The following PDE4D variants were observed in gnomAD, a reference collection of about 807,000 sequenced individuals.
PDE4D encodes 3',5'-cyclic-AMP phosphodiesterase 4D.
Under a neutral mutation model 87.4 loss-of-function variants are expected in PDE4D, and 24 were observed. The observed-to-expected ratio is 0.27, with a 90% confidence interval of 0.20 to 0.39. The LOEUF is 0.39. Among genes scored for constraint, PDE4D ranks in the 10% least tolerant of loss-of-function variants. PDE4D has a pLI of 1.00. For missense variants in PDE4D, 714 were observed against 1,041.0 expected (o/e 0.69, Z 4.32); for synonymous variants, 384 against 383.2 (o/e 1.00, Z -0.02).
intron 1 of PDE4D, among the ~76,000 whole-genome samples, chr5:59,242,655 G>A (rs923508967): frequency 6.6e-6 from 1 of 152,108 alleles, no homozygotes; most frequent in Non-Finnish European, 1.5e-5. Flanking sequence ...CAACAGTAAC[G>A]ATAATGAGTT....
intron 1 of PDE4D, among the ~76,000 whole-genome samples, chr5:60,293,777 T>A (rs1406229075): frequency 1.3e-5 from 2 of 152,232 alleles, no homozygotes; most frequent in Admixed American, 6.5e-5. Flanking sequence ...AGTAGTTCAT[T>A]CATTTTTGTT....
intron 1 of PDE4D, among the ~76,000 whole-genome samples, chr5:59,879,806 T>A (rs1256702100): frequency 1.3e-5 from 2 of 152,132 alleles, no homozygotes; most frequent in African/African-American, 2.4e-5. Context: ...AGTGGCGCAA[T>A]CTCTGCCCAC....
intron 1 of PDE4D, chr5:59,558,509 T>G (rs1475754861): frequency 6.6e-6 from 1 of 152,288 alleles, no homozygotes; most frequent in African/African-American, 2.4e-5. Flanking sequence ...TCTGAAGCAG[T>G]AGCATGCAGA....
intron 3 of PDE4D, among the ~76,000 whole-genome samples, chr5:59,938,813 C>G (rs1756883300): frequency 6.6e-6 from 1 of 152,218 alleles, no homozygotes; most frequent in South Asian, 2.1e-4. Context: ...GTCAGCCCTT[C>G]AGATTCAATT....
At chr5:60,486,690 T>C (rs984347684) in intron 1 of PDE4D, among the ~76,000 whole-genome samples, 2 of 152,238 alleles carry the variant, frequency 1.3e-5, no homozygotes, top group African/African-American at 4.8e-5. Flanking sequence ...GTTATTTTTA[T>C]AGGAATTGGC....
chr5:59,081,968 T>C (rs1283259169), intron 5 of PDE4D, among the ~76,000 whole-genome samples: 1 of 152,180 alleles, frequency 6.6e-6, no homozygotes, highest in Admixed American at 6.6e-5. Context: ...CTGATGGTTA[T>C]ATAAGCTTCT....
chr5:59,384,908 A>T (rs1562077773), intron 1 of PDE4D, among the ~76,000 whole-genome samples: 1 of 151,858 alleles, frequency 6.6e-6, no homozygotes, highest in Admixed American at 6.6e-5. Context: ...ATTAACAATC[A>T]CTGTTTACAT....
intron 1 of PDE4D, among the ~76,000 whole-genome samples, chr5:59,516,179 G>A (rs1400623716): frequency 6.6e-6 from 1 of 152,050 alleles, no homozygotes; most frequent in Non-Finnish European, 1.5e-5. Context: ...AGGGAGTAAA[G>A]GGGAGCATCT....
intron 1 of PDE4D, among the ~76,000 whole-genome samples, chr5:59,885,570 T>G (rs72751298): frequency 0.22 from 33,554 of 152,094 alleles, 4,670 homozygotes; most frequent in Admixed American, 0.34. Flanking sequence ...CATTGAGAAT[T>G]GGATAAACAT....
intron 1 of PDE4D, among the ~76,000 whole-genome samples, chr5:59,598,097 G>A (rs1283102614): frequency 6.6e-6 from 1 of 152,118 alleles, no homozygotes; most frequent in Non-Finnish European, 1.5e-5. Flanking sequence ...GCCTAGCTCT[G>A]TATCTTATAC....
chr5:59,332,117 CA>C (rs781339489), intron 1 of PDE4D, among the ~76,000 whole-genome samples: 1 of 152,174 alleles, frequency 6.6e-6, no homozygotes, highest in Non-Finnish European at 1.5e-5. Context: ...AGTATGACAT[CA>C]ATCATTTCAG....
intron 1 of PDE4D, among the ~76,000 whole-genome samples, chr5:59,683,479 T>C (rs1399749571): frequency 1.3e-5 from 2 of 152,216 alleles, no homozygotes; most frequent in Non-Finnish European, 2.9e-5. Flanking sequence ...CTTCAACTAG[T>C]TATAACTATT....
chr5:59,272,886 C>T (rs1159574417), intron 1 of PDE4D, among the ~76,000 whole-genome samples: 1 of 151,886 alleles, frequency 6.6e-6, no homozygotes, highest in Admixed American at 6.6e-5. Context: ...TGGAGAGAAA[C>T]AAATAGAAAA....
At chr5:59,392,100 T>A (rs1788350551) in intron 1 of PDE4D, among the ~76,000 whole-genome samples, 1 of 151,936 alleles carries the variant, frequency 6.6e-6, no homozygotes, top group South Asian at 2.1e-4. Flanking sequence ...CAGAACATAG[T>A]ATGCCTTCTG....
chr5:59,484,871 G>T (rs930731752), intron 1 of PDE4D, among the ~76,000 whole-genome samples: 1 of 147,302 alleles, frequency 6.8e-6, no homozygotes, highest in Non-Finnish European at 1.5e-5. Flanking sequence ...GAATTTCTCT[G>T]AGAGTTCTAA....
At chr5:59,277,856 C>T (rs921485191) in intron 1 of PDE4D, among the ~76,000 whole-genome samples, 5 of 152,136 alleles carry the variant, frequency 3.3e-5, no homozygotes, top group African/African-American at 1.2e-4. Flanking sequence ...TCTACATCTT[C>T]CAAGAATCTT....
At chr5:59,901,724 G>A (rs1401771819) in intron 3 of PDE4D, among the ~76,000 whole-genome samples, 1 of 152,006 alleles carries the variant, frequency 6.6e-6, no homozygotes, top group Non-Finnish European at 1.5e-5. Context: ...ACAGTGAGAG[G>A]ACATTTTATG....
chr5:59,559,206 T>C (rs539395978), intron 1 of PDE4D, among the ~76,000 whole-genome samples: 1 of 152,320 alleles, frequency 6.6e-6, no homozygotes, highest in Admixed American at 6.5e-5. Context: ...TATGAGATTA[T>C]TAAATTATTA....
intron 1 of PDE4D, among the ~76,000 whole-genome samples, chr5:60,467,894 G>A (rs940654537): frequency 1.3e-5 from 2 of 152,032 alleles, no homozygotes; most frequent in African/African-American, 4.8e-5. Flanking sequence ...AGAACAACAA[G>A]GGGGAAATCC....
Sources: gnomAD v4.1 joint callset for allele counts (sites outside exome capture counted in the v4.1 genomes callset) on GRCh38, gnomAD v4.1.1 for gene constraint, MANE v1.5 for transcripts, NCBI Gene and HGNC (gene_info 2026-07-23, HGNC 2026-07-21) for gene names.